DDB2: variants seen among roughly 807,000 people sequenced by gnomAD.
DDB2 encodes DNA damage-binding protein 2.
DDB2 carries 27 observed loss-of-function variants against 50.5 expected under a neutral mutation model. The ratio of observed to expected loss-of-function variants is 0.53; its 90% CI spans 0.39 to 0.74. DDB2 has a LOEUF of 0.74. Ranked by LOEUF, DDB2 falls within the 30% of genes least tolerant of loss-of-function variation. The pLI is 0.00. For missense variants in DDB2, 424 were observed against 545.6 expected (o/e 0.78, Z 2.22); for synonymous variants, 176 against 205.5 (o/e 0.86, Z 1.23).
intron 3 of DDB2, among the ~76,000 whole-genome samples, chr11:47,226,105 C>T (rs904955985): frequency 6.6e-6 from 1 of 152,106 alleles, no homozygotes; most frequent in African/African-American, 2.4e-5. Flanking sequence ...ACCCCGATTT[C>T]AGTTCTTTGG....
At position 47,235,347 on chromosome 11, in the gene DDB2, TGGGACTGCCC is replaced by T; in HGVS notation, c.959_968del (p.Trp320SerfsTer4). ...GATCCGAGTTTACTCTGCTTCCCAG[TGGGACTGCCC>T]CCTGGGCCTGATCCCGCACCCTCAC... On this transcript the variant is annotated frameshift_variant, in exon 7 of 10. Coordinates refer to ENST00000256996, the MANE Select transcript of DDB2 (RefSeq NM_000107.3). LOFTEE classifies it high-confidence loss of function. 6.2e-7 allele frequency: 1 copy of T among 1,614,000 alleles called. No individual in the cohort carries two copies. The highest frequency in any genetic ancestry group is 8.5e-7 in the Non-Finnish European group (1 of 1,179,924).
At position 47,221,360 on chromosome 11, in the gene DDB2, G is replaced by A. The variant is rs574859720; in HGVS notation, c.456+4311G>A. ...GCGATCTCACCTCACTGCAACCTCC[G>A]CCTCCTGGGTTCAAGCTATTCTCCT... On this transcript the variant is annotated intron_variant, in intron 3 of 9. Coordinates refer to ENST00000256996, the MANE Select transcript of DDB2 (RefSeq NM_000107.3). Among the ~76,000 whole-genome samples, 6 of 150,878 alleles carry A rather than the reference G, an allele frequency of 4.0e-5. No individual in the cohort carries two copies. The East Asian group carries it at 5.9e-4, about 15-fold the overall frequency.
chr11:47,222,585 ATCC>A (rs1379984159), intron 3 of DDB2, among the ~76,000 whole-genome samples: 1 of 152,198 alleles, frequency 6.6e-6, no homozygotes, highest in Non-Finnish European at 1.5e-5. Flanking sequence ...GCCTCAAGCT[ATCC>A]TCCTGCCTTA....
chr11:47,223,648 G>C (rs748074787), intron 3 of DDB2, among the ~76,000 whole-genome samples: 3 of 152,050 alleles, frequency 2.0e-5, no homozygotes. Context: ...CAGGCGTGGT[G>C]GTGGGCGCCT....
chr11:47,234,889 G>A lies in DDB2; in HGVS notation c.835G>A (p.Ala279Thr). Residue 279 changes from alanine (A) to threonine (T), a missense_variant, in exon 6 of 10, where the codon GCC (alanine) becomes ACC (threonine). By Grantham distance (58) the Ala-to-Thr change is moderately conservative. Transcript: ENST00000256996. ...GGACCTGCGCCAGGTTAGAGGGAAA[G>A]CCAGCTTCCTCTACTCGCTGCCGCA... Reference protein sequence around the residue: ...IWDLRQVRGKASFLYSLPHRH... With the variant: ...IWDLRQVRGKTSFLYSLPHRH... 1 of 1,614,250 alleles carries A rather than the reference G, an allele frequency of 6.2e-7. No individual in the cohort carries two copies. Among genetic ancestry groups the A allele is most frequent in the South Asian group, 1.1e-5 (1 of 91,082 alleles).
At chr11:47,237,612 T>C (rs1316349356) in intron 7 of DDB2, 1 of 472,336 alleles carries the variant, frequency 2.1e-6, no homozygotes, top group African/African-American at 2.0e-5. Context: ...TTTTTTGGTA[T>C]TTTTAGTAGG....
chr11:47,218,834 T>C (rs897723245), intron 3 of DDB2, among the ~76,000 whole-genome samples: 1 of 152,122 alleles, frequency 6.6e-6, no homozygotes, highest in Admixed American at 6.6e-5. Flanking sequence ...ATATCAGATG[T>C]GATTTTTCTC....
chr11:47,226,827 G>A (rs1260176518), intron 3 of DDB2, among the ~76,000 whole-genome samples: 3 of 145,912 alleles, frequency 2.1e-5, no homozygotes, highest in East Asian at 2.1e-4. Context: ...CTGCAGCCTC[G>A]AACTTCTGGG....
chr11:47,225,254 T>TAAA (rs10708891), intron 3 of DDB2, among the ~76,000 whole-genome samples: 1 of 136,314 alleles, frequency 7.3e-6, no homozygotes, highest in East Asian at 2.3e-4. Context: ...CCTGTGTCTT[T>TAAA]AAAAAAAAAA....
intron 3 of DDB2, among the ~76,000 whole-genome samples, chr11:47,228,977 A>ATATCTATC (rs59098720): frequency 0.16 from 20,123 of 124,516 alleles, 1,736 homozygotes; most frequent in South Asian, 0.22. Context: ...AAAAAAAGAA[A>ATATCTATC]TATCTATCTA....
At chr11:47,229,772 T>C in intron 3 of DDB2, 1 of 418,670 alleles carries the variant, frequency 2.4e-6, no homozygotes, top group Non-Finnish European at 4.6e-6. Flanking sequence ...TTTATTACCT[T>C]AATCTTTTAT....
chr11:47,218,752 A>G (rs1189535330), intron 3 of DDB2, among the ~76,000 whole-genome samples: 1 of 152,062 alleles, frequency 6.6e-6, no homozygotes, highest in East Asian at 1.9e-4. Context: ...GAAAAAAAAA[A>G]AAAAAGAATG....
At chr11:47,229,021 C>CTATCTATCTATCTATCTATT (rs1953605779) in intron 3 of DDB2, among the ~76,000 whole-genome samples, 1 of 146,168 alleles carries the variant, frequency 6.8e-6, no homozygotes, top group Admixed American at 6.9e-5. Context: ...ATCTATCTAT[C>CTATCTATCTATCTATCTATT]TTCCTCTTTC....
chr11:47,237,115 T>C (rs926237289), intron 7 of DDB2, among the ~76,000 whole-genome samples: 2 of 152,210 alleles, frequency 1.3e-5, no homozygotes, highest in African/African-American at 4.8e-5. Context: ...GTTATTCGTG[T>C]TGATGGAGAC....
Position 47,234,851 on chromosome 11 carries a change from C to T in DDB2, c.797C>T (p.Thr266Ile). ...CTGGCCACAGCCTCCGTAGATCAAA[C>T]AGTGAAAATTTGGGACCTGCGCCAG... ...WFLATASVDQ[T>I]VKIWDLRQVR... Residue 266 changes from threonine to isoleucine, a missense_variant, in exon 6 of 10, where the codon ACA (threonine) becomes ATA (isoleucine). Transcript: ENST00000256996. 6.2e-7 allele frequency: 1 copy of T among 1,614,174 alleles called. No individual in the cohort carries two copies. Among genetic ancestry groups the T allele is most frequent in the Non-Finnish European group, 8.5e-7 (1 of 1,180,036 alleles).
rs137958929 is a variant in DDB2 at position 47,235,283 on chromosome 11, C to T, written c.894C>T (p.Pro298=). 5.4e-5 allele frequency: 87 copies of T among 1,614,212 alleles called. No individual in the cohort carries two copies. The highest frequency in any genetic ancestry group is 5.8e-5 in the Non-Finnish European group (69 of 1,180,042). Residue 298 remains proline, a synonymous_variant, in exon 7 of 10, where the codon CCC becomes CCT. Transcript: ENST00000256996. The part of the protein sequence containing the change: ...RHPVNAACFS[P]DGARLLTTDQ... ...TCACTTTGCCAGCTTGTTTCAGTCC[C>T]GATGGAGCCCGGCTCCTGACCACGG...
chr11:47,237,802 T>C, intron 7 of DDB2, 35 bp from the exon 8 acceptor site: 1 of 1,610,928 alleles, frequency 6.2e-7, no homozygotes, highest in Non-Finnish European at 8.5e-7. Flanking sequence ...TCATGTTCTG[T>C]GTTTACCCTC....
At chr11:47,229,760 T>G (rs1953616242) in intron 3 of DDB2, 1 of 413,578 alleles carries the variant, frequency 2.4e-6, no homozygotes, top group Non-Finnish European at 4.7e-6. Flanking sequence ...TCCTTTTACA[T>G]TTTTATTACC....
rs777159854 is a variant in DDB2 at position 47,215,081 on chromosome 11, A to T, written c.-56A>T. ...CTTGTTTCTCCCCAGAGGCCTCTCA[A>T]TCCTCCCTCCATGATCTTCGCATAG... is the stretch of plus-strand genomic sequence containing the variant. On this transcript the variant is annotated 5_prime_UTR_variant, in exon 1 of 10. Coordinates refer to ENST00000256996, the MANE Select transcript of DDB2 (RefSeq NM_000107.3). The T allele has an allele frequency of 3.0e-5, 48 of 1,613,090 alleles. No individual in the cohort carries two copies. The highest frequency in any genetic ancestry group is 6.7e-5 in the Admixed American group (4 of 59,996).
Sources: allele counts gnomAD v4.1 joint callset (sites outside exome capture counted in the v4.1 genomes callset), GRCh38; gene constraint gnomAD v4.1.1; transcripts MANE v1.5; gene names NCBI Gene and HGNC (gene_info 2026-07-23, HGNC 2026-07-21).